The following TNFAIP1 variants were observed in gnomAD, a reference collection of about 807,000 sequenced individuals.
TNFAIP1 encodes BTB/POZ domain-containing adapter for CUL3-mediated RhoA degradation protein 2.
Under a neutral mutation model 32.6 loss-of-function variants are expected in TNFAIP1, and 20 were observed. The ratio of observed to expected loss-of-function variants is 0.61; its 90% confidence interval spans 0.43 to 0.89. TNFAIP1 has a LOEUF of 0.89. Among genes scored for constraint, TNFAIP1 ranks in the 40% least tolerant of loss-of-function variants. The pLI, the probability that TNFAIP1 is intolerant of heterozygous loss-of-function variation, is 0.00. For missense variants in TNFAIP1, 319 were observed against 425.1 expected, an observed-to-expected ratio of 0.75 and a Z score of 2.20; for synonymous variants, 166 against 166.8, an observed-to-expected ratio of 1.00 and a Z score of 0.04.
rs1555578632 is a variant in TNFAIP1 at position 28,344,554 on chromosome 17, C to T, written c.905C>T (p.Thr302Ile). 2 of 1,613,772 alleles carry T rather than the reference C, an allele frequency of 1.2e-6. No individual in the cohort carries two copies. Among genetic ancestry groups the T allele is most frequent in the Admixed American group, 1.7e-5 (1 of 60,032 alleles). The change falls in exon 7 of 7, where the codon ACT (threonine) becomes ATT (isoleucine). Residue 302 changes from threonine (T) to isoleucine (I), a missense_variant. By Grantham distance (89) the Thr-to-Ile change is moderately conservative. Transcript: ENST00000226225. ...CGCATCCACGTCAAGCGCTACAGCA[C>T]TTACGATGACCGGCAGCTCGGCCAC... Reference protein sequence around the residue: ...VRRIHVKRYSTYDDRQLGHQS... With the variant: ...VRRIHVKRYSIYDDRQLGHQS...
Position 28,340,091 on chromosome 17 carries a change from G to A in TNFAIP1, c.206-218G>A, listed in dbSNP as rs369593101. ...TACAGCCTGGAGGGCTGTATCCCCCGTGGGATGTGCCAGTTCTGGGTTTCA... is the reference window on the plus strand; with the variant it reads ...TACAGCCTGGAGGGCTGTATCCCCCATGGGATGTGCCAGTTCTGGGTTTCA... On this transcript the variant is annotated intron_variant, in intron 2 of 6. Coordinates refer to ENST00000226225, the MANE Select transcript of TNFAIP1 (RefSeq NM_021137.5). This position sits in a 1 kb window ranked among gnomAD's most constrained non-coding sequence, Gnocchi z 4.1. 2.6e-5 allele frequency among the ~76,000 whole-genome samples: 4 copies of A among 152,114 alleles called. No individual in the cohort carries two copies. The highest frequency in any genetic ancestry group is 6.5e-5 in the Admixed American group (1 of 15,280).
intron 1 of TNFAIP1, among the ~76,000 whole-genome samples, chr17:28,337,756 C>T (rs906392974): frequency 1.3e-5 from 2 of 152,190 alleles, no homozygotes; most frequent in Non-Finnish European, 2.9e-5. Flanking sequence ...ATGTCACCAT[C>T]CCAAAGATGC....
chr17:28,340,202 C>T lies in TNFAIP1; in HGVS notation c.206-107C>T, dbSNP rs564751919. 4 of 1,189,610 alleles carry T rather than the reference C, an allele frequency of 3.4e-6. No homozygotes were observed. Among genetic ancestry groups the T allele is most frequent in the Admixed American group, 1.9e-5 (1 of 51,670 alleles). The allele number at this position is 1,189,610 out of a possible 1,614,324, so 73.7% of individuals were successfully genotyped here. On this transcript the variant is annotated intron_variant, in intron 2 of 6. Coordinates refer to ENST00000226225, the MANE Select transcript of TNFAIP1 (RefSeq NM_021137.5). This position sits in a 1 kb window ranked among gnomAD's most constrained non-coding sequence, Gnocchi z 4.1. Reference sequence around the variant, plus strand: ...TCACCCTGCGTAAGGGCTTTGTGCTCGTGGACCCCCTTCCCTGCCACCTGC... The same window carrying T: ...TCACCCTGCGTAAGGGCTTTGTGCTTGTGGACCCCCTTCCCTGCCACCTGC...
In TNFAIP1 at chr17:28,340,239, C is replaced by T; in HGVS notation, c.206-70C>T. ...TCCCTGCCACCTGCCGCCAGCTTGT[C>T]AGGTGGCCTTTGCCTGCCTCGGAGG... On this transcript the variant is annotated intron_variant, in intron 2 of 6. Transcript: ENST00000226225. The surrounding 1 kb of genome is among the most constrained non-coding windows in gnomAD (Gnocchi z 4.1). 1 of 1,538,688 alleles carries T rather than the reference C, an allele frequency of 6.5e-7. No individual in the cohort carries two copies.
At position 28,337,941 on chromosome 17, in the gene TNFAIP1, A is replaced by G. The variant is rs114490429; in HGVS notation, c.-114-1467A>G. Among the ~76,000 whole-genome samples the G allele has an allele frequency of 8.8e-3, 1,342 of 152,284 alleles. 13 individuals carry two copies. Among genetic ancestry groups the G allele is most frequent in the African/African-American group, 0.031 (1,275 of 41,548 alleles). On this transcript the variant is annotated intron_variant, in intron 1 of 6. Coordinates refer to ENST00000226225, the MANE Select transcript of TNFAIP1 (RefSeq NM_021137.5). The stretch of plus-strand genomic sequence containing the variant: ...AAGCTCCATGTGGACATGACTTTCT[A>G]TATGTGTTCTCTTCTGAGTACCCAA...
Position 28,339,592 on chromosome 17 carries a change from G to A in TNFAIP1, c.71G>A (p.Gly24Glu). Residue 24 changes from glycine (G) to glutamate (E), a missense_variant, in exon 2 of 7, where the codon GGG (glycine) becomes GAG (glutamate). Coordinates refer to ENST00000226225, the MANE Select transcript of TNFAIP1 (RefSeq NM_021137.5). ...KPKLSGFKGGGLGNKYVQLNV... is the reference protein window; with the variant it reads ...KPKLSGFKGGELGNKYVQLNV... ...AAGCTCAGTGGCTTCAAGGGAGGAG[G>A]GTTGGGCAACAAGTATGTCCAGCTC... is the stretch of plus-strand genomic sequence containing the variant. 6.2e-7 allele frequency: 1 copy of A among 1,613,960 alleles called. No individual in the cohort carries two copies. Among genetic ancestry groups the A allele is most frequent in the Non-Finnish European group, 8.5e-7 (1 of 1,179,956 alleles).
At position 28,339,639 on chromosome 17, in the gene TNFAIP1, T is replaced by C. The variant is rs782766421; in HGVS notation, c.118T>C (p.Tyr40His). Residue 40 changes from tyrosine to histidine, a missense_variant, in exon 2 of 7, where the codon TAC (tyrosine) becomes CAC (histidine). Physicochemically the swap from Tyr to His is moderately conservative, Grantham distance 83 (BLOSUM62 2). Transcript: ENST00000226225. ...VQLNVGGSLY[Y>H]TTVRALTRHD... Reference sequence around the variant, plus strand: ...GCTCAACGTGGGCGGCTCTCTGTACTACACCACTGTGCGGGCCCTGACCCG... The same window carrying C: ...GCTCAACGTGGGCGGCTCTCTGTACCACACCACTGTGCGGGCCCTGACCCG... 1.2e-6 allele frequency: 2 copies of C among 1,613,758 alleles called. No individual in the cohort carries two copies. The highest frequency in any genetic ancestry group is 1.7e-6 in the Non-Finnish European group (2 of 1,180,004).
In TNFAIP1 at chr17:28,342,811, A is replaced by C. The variant is rs1425274960; in HGVS notation, c.714+369A>C. Among the ~76,000 whole-genome samples the C allele has an allele frequency of 6.6e-6, 1 of 152,238 alleles. No individual in the cohort carries two copies. The highest frequency in any genetic ancestry group is 1.5e-5 in the Non-Finnish European group (1 of 68,042). On this transcript the variant is annotated intron_variant, in intron 6 of 6. Transcript: ENST00000226225. This position sits in a 1 kb window ranked among gnomAD's most constrained non-coding sequence, Gnocchi z 4.0. ...GGCCTCAGGTTCCTCATTTGCAGAC[A>C]TGGGGATGATAGTATGAATTTAACG...
intron 1 of TNFAIP1, among the ~76,000 whole-genome samples, chr17:28,338,304 T>G (rs1907244434): frequency 6.6e-6 from 1 of 152,194 alleles, no homozygotes; most frequent in African/African-American, 2.4e-5. Context: ...TCTGATCTTT[T>G]CTAGTCCTTT....
chr17:28,339,626 C>T lies in TNFAIP1; in HGVS notation c.105C>T (p.Gly35=), dbSNP rs782033545. Residue 35 remains glycine, a synonymous_variant, in exon 2 of 7, where the codon GGC becomes GGT. Coordinates refer to ENST00000226225, the MANE Select transcript of TNFAIP1 (RefSeq NM_021137.5). ...ACAAGTATGTCCAGCTCAACGTGGG[C>T]GGCTCTCTGTACTACACCACTGTGC... The part of the protein sequence containing the change: ...LGNKYVQLNV[G]GSLYYTTVRA... 8.7e-6 allele frequency: 14 copies of T among 1,613,762 alleles called. No homozygotes were observed. The African/African-American group carries it at 1.2e-4, about 14-fold the overall frequency.
At chr17:28,337,836 A>G (rs1195529506) in intron 1 of TNFAIP1, among the ~76,000 whole-genome samples, 1 of 152,080 alleles carries the variant, frequency 6.6e-6, no homozygotes, top group Non-Finnish European at 1.5e-5. Context: ...TATTATCTTT[A>G]TTGCATTTAT....
At chr17:28,344,259 T>A in intron 6 of TNFAIP1, 105 bp from the exon 7 acceptor site, 1 of 968,648 alleles carries the variant, frequency 1.0e-6, no homozygotes, top group Non-Finnish European at 1.6e-6. Context: ...ACCTGTTTTA[T>A]GAGAGGTAGC....
chr17:28,345,602 G>C lies in TNFAIP1; in HGVS notation c.*1002G>C, dbSNP rs1023876857. On this transcript the variant is annotated 3_prime_UTR_variant, in exon 7 of 7. Coordinates refer to ENST00000226225, the MANE Select transcript of TNFAIP1 (RefSeq NM_021137.5). ...GGCAGGAAGACCGTGGAGCCCGTGGGCACTGCATGGTGTTGGCTGGCATGC... is the reference window on the plus strand; with the variant it reads ...GGCAGGAAGACCGTGGAGCCCGTGGCCACTGCATGGTGTTGGCTGGCATGC... 6.6e-6 allele frequency: 1 copy of C among 152,292 alleles called. No individual in the cohort carries two copies. The highest frequency in any genetic ancestry group is 1.5e-5 in the Non-Finnish European group (1 of 68,074). The allele number at this position is 152,292 out of a possible 1,614,324, so 9.4% of individuals were successfully genotyped here.
chr17:28,337,278 G>A lies in TNFAIP1; in HGVS notation c.-115+1422G>A, dbSNP rs144799130. Among the ~76,000 whole-genome samples the A allele has an allele frequency of 4.5e-3, 687 of 152,214 alleles. 5 individuals carry two copies. Among genetic ancestry groups the A allele is most frequent in the African/African-American group, 0.016 (670 of 41,508 alleles). ...CTCCAATTGATTCATATACTATATA[G>A]CAATTAGTATGAAATCCACCTTTGT... is the stretch of plus-strand genomic sequence containing the variant. On this transcript the variant is annotated intron_variant, in intron 1 of 6. Coordinates refer to ENST00000226225, the MANE Select transcript of TNFAIP1 (RefSeq NM_021137.5).
intron 1 of TNFAIP1, among the ~76,000 whole-genome samples, chr17:28,337,210 C>T (rs1445579949): frequency 1.2e-4 from 19 of 152,162 alleles, no homozygotes; most frequent in Admixed American, 1.2e-3. Context: ...TTTCAAAATA[C>T]ACTACAAGCA....
At position 28,344,625 on chromosome 17, in the gene TNFAIP1, C is replaced by T. The variant is rs368989668; in HGVS notation, c.*25C>T. 1.0e-5 allele frequency: 16 copies of T among 1,602,984 alleles called. No individual in the cohort carries two copies. Among genetic ancestry groups the T allele is most frequent in the Non-Finnish European group, 1.3e-5 (15 of 1,174,884 alleles). ...ACCAGACCCTCAGGGAGTCAGGGCA[C>T]GGGAGGCCCTATCTCCCATCCTGTG... On this transcript the variant is annotated 3_prime_UTR_variant, in exon 7 of 7. Coordinates refer to ENST00000226225, the MANE Select transcript of TNFAIP1 (RefSeq NM_021137.5).
intron 2 of TNFAIP1, 65 bp downstream of exon 2, chr17:28,339,791 A>T: frequency 6.5e-7 from 1 of 1,535,406 alleles, no homozygotes; most frequent in Non-Finnish European, 8.9e-7. Flanking sequence ...AAATGACCAG[A>T]TCTAGAATTC....
intron 1 of TNFAIP1, among the ~76,000 whole-genome samples, chr17:28,338,523 AC>A (rs1297163507): frequency 1.3e-5 from 2 of 151,168 alleles, no homozygotes; most frequent in African/African-American, 4.9e-5. Context: ...ACTGGCCGGC[AC>A]CCCCGACCCT....
Position 28,340,552 on chromosome 17 carries a change from T to G in TNFAIP1, c.375+74T>G, listed in dbSNP as rs1457899596. 4.5e-6 allele frequency: 7 copies of G among 1,550,228 alleles called. No homozygotes were observed. The highest frequency in any genetic ancestry group is 5.3e-6 in the Non-Finnish European group (6 of 1,135,216). The stretch of plus-strand genomic sequence containing the variant: ...CCCCTTCTTGTGGGATGGAGGACTC[T>G]GGTTCCTGGCAGGTTGTGTGGGAGG... On this transcript the variant is annotated intron_variant, in intron 3 of 6. Transcript: ENST00000226225. This position sits in a 1 kb window ranked among gnomAD's most constrained non-coding sequence, Gnocchi z 4.1.
Sources: gnomAD v4.1 joint callset for allele counts (sites outside exome capture counted in the v4.1 genomes callset) on GRCh38, gnomAD v4.1.1 for gene constraint, Gnocchi (gnomAD v3.1) non-coding constraint, MANE v1.5 for transcripts, NCBI Gene and HGNC (gene_info 2026-07-23, HGNC 2026-07-21) for gene names.